The following SLC25A48 variants were observed in gnomAD, a reference collection of about 807,000 sequenced individuals.
SLC25A48 encodes solute carrier family 25 member 48.
SLC25A48 carries 29 observed loss-of-function variants against 32.2 expected under a neutral mutation model. That is an observed-to-expected ratio of 0.90 (90% confidence interval 0.67 to 1.23). The LOEUF is 1.23. Among genes scored for constraint, SLC25A48 ranks in the 50% most tolerant of loss-of-function variants. The pLI is 0.00. For synonymous variants in SLC25A48, 164 were observed against 172.3 expected (o/e 0.95, Z 0.38); for missense variants, 399 against 422.7 (o/e 0.94, Z 0.49).
intron 3 of SLC25A48, among the ~76,000 whole-genome samples, chr5:135,809,731 A>G (rs1403476090): frequency 6.6e-6 from 1 of 152,212 alleles, no homozygotes; most frequent in Non-Finnish European, 1.5e-5. Context: ...ATGGACCAAT[A>G]CACAATATCA....
intron 3 of SLC25A48, among the ~76,000 whole-genome samples, chr5:135,642,658 A>G (rs1752866169): frequency 6.6e-6 from 1 of 152,226 alleles, no homozygotes; most frequent in Non-Finnish European, 1.5e-5. Context: ...GTTGGCTTGA[A>G]AGATGAATCC....
chr5:135,772,678 C>T (rs1463278418), intron 3 of SLC25A48, among the ~76,000 whole-genome samples: 3 of 151,026 alleles, frequency 2.0e-5, no homozygotes, highest in African/African-American at 4.9e-5. Context: ...GTGTACACCT[C>T]CCTGTAATAT....
chr5:135,873,309 A>T (rs901718778), intron 5 of SLC25A48, among the ~76,000 whole-genome samples: 3 of 152,182 alleles, frequency 2.0e-5, no homozygotes, highest in African/African-American at 7.2e-5. Flanking sequence ...CCCATCTAGG[A>T]ATGTACCAAT....
Position 135,793,362 on chromosome 5 carries a change from C to T in SLC25A48, c.-520-19161C>T, listed in dbSNP as rs189019511. Among the ~76,000 whole-genome samples, 14 of 151,874 alleles carry T rather than the reference C, an allele frequency of 9.2e-5. No homozygotes were observed. In the East Asian group the frequency reaches 2.5e-3, roughly 27 times the overall value. On this transcript the variant is annotated intron_variant, in intron 3 of 10. Coordinates refer to the SLC25A48 transcript ENST00000646290. ...ACAGAGGGTGTACATCATGTGTGTACACCCTGGGATATTATTCGTAGTATT... is the reference window on the plus strand; with the variant it reads ...ACAGAGGGTGTACATCATGTGTGTATACCCTGGGATATTATTCGTAGTATT...
chr5:135,633,185 T>C (rs926372056), intron 2 of SLC25A48, among the ~76,000 whole-genome samples: 4 of 152,130 alleles, frequency 2.6e-5, no homozygotes, highest in African/African-American at 9.7e-5. Context: ...AAGTGGGCTG[T>C]ACGGTTTATT....
chr5:135,832,675 C>G (rs1444697895), upstream of SLC25A48, among the ~76,000 whole-genome samples: 1 of 152,190 alleles, frequency 6.6e-6, no homozygotes, highest in South Asian at 2.1e-4. Context: ...AAGCAAGGCA[C>G]TAGCACAGAC....
chr5:135,862,785 T>A (rs921187751), intron 4 of SLC25A48, among the ~76,000 whole-genome samples: 4 of 151,942 alleles, frequency 2.6e-5, no homozygotes, highest in African/African-American at 9.7e-5. Context: ...AGGCACATGG[T>A]GGGACAAGGG....
At chr5:135,877,139 A>G (rs943979859) in intron 6 of SLC25A48, among the ~76,000 whole-genome samples, 2 of 152,150 alleles carry the variant, frequency 1.3e-5, no homozygotes, top group African/African-American at 2.4e-5. Context: ...TCAAAAGTCC[A>G]TGGACTTGTC....
At chr5:135,597,877 G>A (rs913740793) in intron 1 of SLC25A48, among the ~76,000 whole-genome samples, 4 of 152,124 alleles carry the variant, frequency 2.6e-5, no homozygotes, top group African/African-American at 9.7e-5. Context: ...GGTGCTGCAC[G>A]CCTGTAGTCC....
intron 1 of SLC25A48, among the ~76,000 whole-genome samples, chr5:135,603,570 G>C (rs1373906855): frequency 6.6e-6 from 1 of 152,162 alleles, no homozygotes; most frequent in African/African-American, 2.4e-5. Context: ...GGTGGTGGGG[G>C]GGTGCGAGCC....
At chr5:135,753,341 A>G (rs541351697) in intron 3 of SLC25A48, among the ~76,000 whole-genome samples, 67 of 152,052 alleles carry the variant, frequency 4.4e-4, no homozygotes, top group African/African-American at 1.5e-3. Flanking sequence ...TACCCGCACT[A>G]TGATAGTAGC....
intron 1 of SLC25A48, 150 bp from the exon 2 acceptor site, chr5:135,842,266 G>T (rs773646288): frequency 3.2e-5 from 24 of 748,400 alleles, no homozygotes; most frequent in Non-Finnish European, 5.2e-5. Flanking sequence ...TGGTGCATGG[G>T]CCAGTGCCTA....
intron 2 of SLC25A48, among the ~76,000 whole-genome samples, chr5:135,631,081 A>C (rs991796625): frequency 3.3e-5 from 5 of 152,222 alleles, no homozygotes; most frequent in African/African-American, 4.8e-5. Flanking sequence ...CTTCCAGCAG[A>C]AAGCCTCGAG....
chr5:135,850,714 C>T (rs534374049), intron 3 of SLC25A48, among the ~76,000 whole-genome samples: 2 of 152,352 alleles, frequency 1.3e-5, no homozygotes, highest in East Asian at 3.9e-4. Flanking sequence ...GGAAAAACTC[C>T]AGTTGTGTGT....
chr5:135,833,980 C>T (rs1758310264), upstream of SLC25A48, among the ~76,000 whole-genome samples: 2 of 152,222 alleles, frequency 1.3e-5, no homozygotes, highest in Admixed American at 1.3e-4. Context: ...TGGCTGAGAC[C>T]CACAGCTGAG....
intron 2 of SLC25A48, among the ~76,000 whole-genome samples, chr5:135,633,245 G>C (rs1331417814): frequency 4.6e-5 from 7 of 152,132 alleles, no homozygotes; most frequent in African/African-American, 2.4e-5. Flanking sequence ...AGAACTGTGT[G>C]CTTGAGGCAT....
chr5:135,799,009 G>A (rs913237917), intron 3 of SLC25A48, among the ~76,000 whole-genome samples: 12 of 151,510 alleles, frequency 7.9e-5, no homozygotes, highest in African/African-American at 2.7e-4. Flanking sequence ...TGTACACTTC[G>A]CCTGTGATAT....
At chr5:135,727,054 A>G (rs1205291843) in intron 3 of SLC25A48, among the ~76,000 whole-genome samples, 1 of 152,182 alleles carries the variant, frequency 6.6e-6, no homozygotes, top group African/African-American at 2.4e-5. Flanking sequence ...CAATGGCTAA[A>G]GACGTTGAAC....
intron 4 of SLC25A48, among the ~76,000 whole-genome samples, chr5:135,816,006 T>C (rs1000525890): frequency 3.5e-4 from 54 of 152,198 alleles, no homozygotes; most frequent in Non-Finnish European, 4.9e-4. Context: ...TCCATATGGC[T>C]GGGGAGGCCT....
Sources: gnomAD v4.1 joint callset for allele counts (sites outside exome capture counted in the v4.1 genomes callset) on GRCh38, gnomAD v4.1.1 for gene constraint, MANE v1.5 for transcripts, NCBI Gene and HGNC (gene_info 2026-07-23, HGNC 2026-07-21) for gene names.